The following LRBA variants were observed in gnomAD, a reference collection of about 807,000 sequenced individuals.
LRBA encodes the protein LPS responsive beige-like anchor protein.
LRBA carries 176 observed loss-of-function variants against 330.0 expected under a neutral mutation model. The observed-to-expected ratio is 0.53, with a 90% CI of 0.47 to 0.60. LRBA has a LOEUF of 0.60. Ranked by LOEUF, LRBA falls within the 20% of genes least tolerant of loss-of-function variation. LRBA has a pLI of 0.00. For missense variants in LRBA, 3,259 were observed against 3,444.8 expected (o/e 0.95, Z 1.35); for synonymous variants, 1,230 against 1,193.0 (o/e 1.03, Z -0.64).
chr4:150,451,406 C>A (rs2152030143), intron 44 of LRBA, among the ~76,000 whole-genome samples: 1 of 152,144 alleles, frequency 6.6e-6, no homozygotes, highest in East Asian at 1.9e-4. Context: ...AGAAAGACAT[C>A]TGACAAATCC....
chr4:150,380,178 T>TAAA (rs1419907944), intron 47 of LRBA, among the ~76,000 whole-genome samples: 1 of 137,628 alleles, frequency 7.3e-6, no homozygotes, highest in African/African-American at 2.6e-5. Flanking sequence ...AAACTCTGTC[T>TAAA]CAAAAAAACA....
At chr4:150,484,816 T>C (rs1248237631) in intron 42 of LRBA, among the ~76,000 whole-genome samples, 1 of 151,926 alleles carries the variant, frequency 6.6e-6, no homozygotes, top group Non-Finnish European at 1.5e-5. Context: ...CACTTCTTTA[T>C]CTTCATGTTA....
Position 150,277,871 on chromosome 4 carries a change from G to C in LRBA, c.8450C>G (p.Ala2817Gly), listed in dbSNP as rs142943481. Reference sequence around the variant, plus strand: ...GTGTTACCTCTGGTCGTAAGACAGCGCCATGGCCCGGATTCCAGCGTCACA... The same window carrying C: ...GTGTTACCTCTGGTCGTAAGACAGCCCCATGGCCCGGATTCCAGCGTCACA... ...PGCDAGIRAM[A>G]LSYDQRCIIS... is the part of the protein sequence containing the mutation. The change falls in exon 56 of 57, where the codon GCG becomes GGG. Residue 2817 changes from alanine (A) to glycine (G), a missense_variant. Coordinates refer to ENST00000651943, the MANE Select transcript of LRBA (RefSeq NM_001364905.1). The C allele has an allele frequency of 6.2e-7, 1 of 1,614,038 alleles. No homozygotes were observed. The highest frequency in any genetic ancestry group is 1.7e-5 in the Admixed American group (1 of 60,018).
Position 150,325,864 on chromosome 4 carries a change from G to A in LRBA, c.7397C>T (p.Thr2466Ile). Residue 2466 changes from threonine to isoleucine, a missense_variant, in exon 49 of 57, where the codon ACT (threonine) becomes ATT (isoleucine). Thr to Ile is a moderately conservative substitution (Grantham distance 89). Transcript: ENST00000651943. ...VEAQIRSFGQ[T>I]PSQLLIEPHP... Reference sequence around the variant, plus strand: ...GGGCTCTATGAGTAGTTGAGAAGGAGTCTGTCCAAAACTTCGGATTTGAGC... The same window carrying A: ...GGGCTCTATGAGTAGTTGAGAAGGAATCTGTCCAAAACTTCGGATTTGAGC... 6.2e-7 allele frequency: 1 copy of A among 1,613,538 alleles called. No homozygotes were observed. The highest frequency in any genetic ancestry group is 8.5e-7 in the Non-Finnish European group (1 of 1,179,660).
chr4:150,834,803 G>C (rs1435093211), intron 28 of LRBA, among the ~76,000 whole-genome samples: 2 of 152,114 alleles, frequency 1.3e-5, no homozygotes, highest in Admixed American at 6.6e-5. Flanking sequence ...ATTGTAGGAT[G>C]GTATCTTCTT....
intron 2 of LRBA, among the ~76,000 whole-genome samples, chr4:150,954,817 C>CAAAAAAAAAAA (rs34282784): frequency 1.3e-3 from 59 of 45,498 alleles, no homozygotes; most frequent in African/African-American, 5.5e-3. Context: ...ACTCAGAAAT[C>CAAAAAAAAAAA]AAAAAAAAAA....
intron 26 of LRBA, among the ~76,000 whole-genome samples, chr4:150,846,326 C>T (rs1259412038): frequency 2.0e-5 from 3 of 151,840 alleles, no homozygotes; most frequent in Non-Finnish European, 4.4e-5. Context: ...GTCAGGAGAT[C>T]GAGACCATGC....
chr4:150,355,682 T>A (rs1403120169), intron 47 of LRBA, among the ~76,000 whole-genome samples: 2 of 151,996 alleles, frequency 1.3e-5, no homozygotes, highest in Non-Finnish European at 2.9e-5. Context: ...AAAATGAAAA[T>A]CACTGATTAA....
chr4:150,500,626 C>T (rs1474306792), intron 40 of LRBA, among the ~76,000 whole-genome samples: 8 of 152,232 alleles, frequency 5.3e-5, no homozygotes, highest in South Asian at 2.1e-4. Context: ...GATGTATGAA[C>T]TAAATCTTCA....
intron 22 of LRBA, among the ~76,000 whole-genome samples, chr4:150,855,792 C>T (rs952362928): frequency 2.0e-5 from 3 of 152,094 alleles, no homozygotes; most frequent in Admixed American, 2.0e-4. Flanking sequence ...ACTAAACATA[C>T]CCATTATGTT....
chr4:150,350,207 A>C (rs374465068), intron 47 of LRBA, 48 bp from the exon 48 acceptor site: 231 of 1,347,156 alleles, frequency 1.7e-4, no homozygotes, highest in Admixed American at 2.3e-4. Context: ...CCTTTTTAAA[A>C]ATATAGAGAG....
At chr4:150,345,376 A>C (rs1736146071) in intron 48 of LRBA, among the ~76,000 whole-genome samples, 1 of 152,240 alleles carries the variant, frequency 6.6e-6, no homozygotes, top group South Asian at 2.1e-4. Flanking sequence ...CAATGAACTC[A>C]GCATGCATCC....
chr4:150,412,489 T>C (rs551199472), intron 47 of LRBA, among the ~76,000 whole-genome samples: 1 of 152,302 alleles, frequency 6.6e-6, no homozygotes, highest in Admixed American at 6.5e-5. Context: ...GACCTGGCTC[T>C]TCTGAGGTGA....
rs369940383 is a variant in LRBA, at chr4:150,579,519, C to T, written c.6330+8529G>A. The T allele has an allele frequency of 6.8e-4, 270 of 399,558 alleles. 5 individuals are homozygous for T. Among genetic ancestry groups the T allele is most frequent in the South Asian group, 4.6e-3 (251 of 54,092 alleles). The allele number at this position is 399,558 out of a possible 1,614,324, so 24.8% of individuals were successfully genotyped here. A position where few individuals can be genotyped will look rare whatever the true frequency, so the allele number is the denominator to read the frequency against. Reference sequence around the variant, plus strand: ...GATTTATTATTTACTAGAGCATCTACCTAAGACAGGGTAAATTGGTAATGA... The same window carrying T: ...GATTTATTATTTACTAGAGCATCTATCTAAGACAGGGTAAATTGGTAATGA... On this transcript the variant is annotated intron_variant, in intron 40 of 56. Coordinates refer to ENST00000651943, the MANE Select transcript of LRBA (RefSeq NM_001364905.1).
chr4:150,418,584 G>C (rs1409161276), intron 46 of LRBA, among the ~76,000 whole-genome samples: 1 of 151,696 alleles, frequency 6.6e-6, no homozygotes, highest in African/African-American at 2.4e-5. Context: ...TTGTACAATG[G>C]GCATTGTAAA....
Position 150,369,518 on chromosome 4 carries a change from C to T in LRBA, c.7195-19359G>A, listed in dbSNP as rs552437158. Among the ~76,000 whole-genome samples, 6 of 151,986 alleles carry T rather than the reference C, an allele frequency of 3.9e-5. No homozygotes were observed. In the East Asian group the frequency reaches 1.2e-3, roughly 29 times the overall value. On this transcript the variant is annotated intron_variant, in intron 47 of 56. Coordinates refer to ENST00000651943, the MANE Select transcript of LRBA (RefSeq NM_001364905.1). ...TTGGCTGAGACCCACTGAACACATA[C>T]AAACATATGATGCCTAAAAAAATAT...
rs1286514089 is a variant in LRBA, at chr4:151,000,092, T to C, written c.216+14335A>G. 5.9e-5 allele frequency among the ~76,000 whole-genome samples: 9 copies of C among 152,230 alleles called. No individual in the cohort carries two copies. In the East Asian group the frequency reaches 1.7e-3, roughly 29 times the overall value. Reference sequence around the variant, plus strand: ...AGAACAGTTAGAACAATACACAGTTTCCAATTTTTGACAGTTTGACTTACA... The same window carrying C: ...AGAACAGTTAGAACAATACACAGTTCCCAATTTTTGACAGTTTGACTTACA... On this transcript the variant is annotated intron_variant, in intron 2 of 56. Coordinates refer to ENST00000651943, the MANE Select transcript of LRBA (RefSeq NM_001364905.1).
chr4:150,853,675 A>C (rs1750892771), intron 22 of LRBA, among the ~76,000 whole-genome samples: 1 of 152,178 alleles, frequency 6.6e-6, no homozygotes, highest in Admixed American at 6.5e-5. Context: ...CTGAAAAAGT[A>C]AATTTTTTTT....
At chr4:150,451,104 A>G (rs1174982833) in intron 44 of LRBA, among the ~76,000 whole-genome samples, 1 of 152,168 alleles carries the variant, frequency 6.6e-6, no homozygotes, top group East Asian at 1.9e-4. Context: ...AGACAAATCT[A>G]ACTTATAGTT....
Sources: allele counts gnomAD v4.1 joint callset (sites outside exome capture counted in the v4.1 genomes callset), GRCh38; gene constraint gnomAD v4.1.1; transcripts MANE v1.5; gene names NCBI Gene and HGNC (gene_info 2026-07-23, HGNC 2026-07-21).